Variants in CSMD1 observed in about 807,000 individuals in gnomAD.
The protein encoded by CSMD1 is CUB and sushi domain-containing protein 1.
CSMD1 carries 213 observed loss-of-function variants against 417.5 expected under a neutral mutation model. The observed-to-expected ratio is 0.51, with a 90% CI of 0.46 to 0.57. The LOEUF (loss-of-function observed/expected upper bound fraction) is 0.57. Among genes scored for constraint, CSMD1 ranks in the 20% least tolerant of loss-of-function variants. CSMD1 has a pLI of 0.00. For missense variants in CSMD1, 6,923 were observed against 4,529.7 expected, an observed-to-expected ratio of 1.53 and a Z score of -15.17; for synonymous variants, 2,862 against 1,736.8, an observed-to-expected ratio of 1.65 and a Z score of -16.11.
At chr8:3,745,681 C>CAGCT (rs1797032820) in intron 6 of CSMD1, among the ~76,000 whole-genome samples, 1 of 152,218 alleles carries the variant, frequency 6.6e-6, no homozygotes, top group Admixed American at 6.5e-5. Context: ...GGAAGTCAGG[C>CAGCT]AGCTGCTGGA....
chr8:3,349,462 G>A (rs557359709), intron 21 of CSMD1, among the ~76,000 whole-genome samples: 9 of 152,040 alleles, frequency 5.9e-5, no homozygotes, highest in Non-Finnish European at 1.2e-4. Context: ...AGAGGAGAAC[G>A]CTTGACATCC....
intron 5 of CSMD1, among the ~76,000 whole-genome samples, chr8:3,782,605 C>A (rs1313190323): frequency 2.0e-5 from 3 of 152,140 alleles, no homozygotes; most frequent in Admixed American, 6.5e-5. Flanking sequence ...TGTAACAAAC[C>A]TGCACGTTGT....
intron 10 of CSMD1, among the ~76,000 whole-genome samples, chr8:3,524,746 A>T (rs1797684984): frequency 6.6e-6 from 1 of 151,824 alleles, no homozygotes; most frequent in Non-Finnish European, 1.5e-5. Flanking sequence ...ACACCGAGAC[A>T]TGTGCACACA....
chr8:3,777,169 ATATG>A (rs1227473705), intron 5 of CSMD1, among the ~76,000 whole-genome samples: 2 of 151,148 alleles, frequency 1.3e-5, no homozygotes, highest in South Asian at 2.1e-4. Context: ...CATCATATAT[ATATG>A]TATGTGTGTC....
intron 5 of CSMD1, among the ~76,000 whole-genome samples, chr8:3,897,367 T>C (rs1309736970): frequency 6.6e-6 from 1 of 152,216 alleles, no homozygotes; most frequent in African/African-American, 2.4e-5. Context: ...CAGTGATTCC[T>C]ACATTTGAAT....
chr8:3,411,176 T>C (rs901888854), intron 12 of CSMD1, among the ~76,000 whole-genome samples: 1 of 152,152 alleles, frequency 6.6e-6, no homozygotes, highest in African/African-American at 2.4e-5. Context: ...CTCTGCAACT[T>C]TGGAAGAGCA....
intron 1 of CSMD1, among the ~76,000 whole-genome samples, chr8:4,800,897 G>T (rs779740405): frequency 6.6e-6 from 1 of 152,174 alleles, no homozygotes; most frequent in Non-Finnish European, 1.5e-5. Flanking sequence ...CTTACGTCTT[G>T]TACTCATCAC....
chr8:4,645,444 C>CAAAAAAAAAAAAAAA lies in CSMD1; in HGVS notation c.86-7901_86-7887dup, dbSNP rs549511320. On this transcript the variant is annotated intron_variant, in intron 1 of 69. Coordinates refer to ENST00000635120, the MANE Select transcript of CSMD1 (RefSeq NM_033225.6). ...CAAGACAGCAGGTGTAGTGCAGGGG[C>CAAAAAAAAAAAAAAA]AAAAAAAAAAAAAAAAAAAAAAAGG... 1.4e-4 allele frequency among the ~76,000 whole-genome samples: 5 copies of CAAAAAAAAAAAAAAA among 36,850 alleles called. 1 individual carries two copies. The highest frequency in any genetic ancestry group is 5.5e-4 in the Admixed American group (1 of 1,826). The allele number at this position is 36,850 out of a possible 152,430, so 24.2% of individuals were successfully genotyped here.
rs77963975 is a variant in CSMD1, at chr8:4,025,619, G to A, written c.610+6286C>T. ...ATCCTTTTTAAGACTGGCAGAACAT[G>A]CCAATAATATACAATGAATAAGGTG... On this transcript the variant is annotated intron_variant, in intron 4 of 69. Coordinates refer to ENST00000635120, the MANE Select transcript of CSMD1 (RefSeq NM_033225.6). Among the ~76,000 whole-genome samples, 1,058 of 152,204 alleles carry A rather than the reference G, an allele frequency of 7.0e-3. 56 individuals carry two copies. The East Asian group carries it at 0.14, about 20-fold the overall frequency.
chr8:4,514,816 T>G (rs1432460072), intron 2 of CSMD1, among the ~76,000 whole-genome samples: 1 of 152,204 alleles, frequency 6.6e-6, no homozygotes, highest in Non-Finnish European at 1.5e-5. Context: ...TGCTGGCTGC[T>G]GTTACTGTTT....
At chr8:4,024,534 G>C (rs1796964051) in intron 4 of CSMD1, among the ~76,000 whole-genome samples, 1 of 152,196 alleles carries the variant, frequency 6.6e-6, no homozygotes, top group Non-Finnish European at 1.5e-5. Context: ...ATTTAAATCA[G>C]AGGTCAAGTC....
At chr8:3,905,918 A>T (rs1430712029) in intron 5 of CSMD1, among the ~76,000 whole-genome samples, 4 of 152,186 alleles carry the variant, frequency 2.6e-5, no homozygotes, top group Admixed American at 2.0e-4. Flanking sequence ...GCAATGGGCC[A>T]ATTTATAACC....
intron 6 of CSMD1, among the ~76,000 whole-genome samples, chr8:3,721,272 C>G (rs2129044538): frequency 6.6e-6 from 1 of 152,196 alleles, no homozygotes; most frequent in South Asian, 2.1e-4. Context: ...GCAGCAATGC[C>G]CCTCAAGGAT....
intron 11 of CSMD1, among the ~76,000 whole-genome samples, chr8:3,480,807 G>T (rs892909934): frequency 6.6e-6 from 1 of 152,090 alleles, no homozygotes; most frequent in South Asian, 2.1e-4. Flanking sequence ...CTATCCTTCA[G>T]AAATAAAGGG....
At chr8:4,896,679 T>C (rs567330849) in intron 1 of CSMD1, among the ~76,000 whole-genome samples, 1 of 152,070 alleles carries the variant, frequency 6.6e-6, no homozygotes, top group Non-Finnish European at 1.5e-5. Flanking sequence ...GGGGGAAGGA[T>C]TGCATACGTG....
intron 3 of CSMD1, among the ~76,000 whole-genome samples, chr8:4,328,837 G>C (rs1585242398): frequency 6.6e-6 from 1 of 152,152 alleles, no homozygotes; most frequent in Admixed American, 6.6e-5. Context: ...AGAAGCTTAA[G>C]CAATTCTTGC....
intron 1 of CSMD1, among the ~76,000 whole-genome samples, chr8:4,692,461 T>C (rs1391621049): frequency 6.6e-6 from 1 of 152,206 alleles, no homozygotes; most frequent in Non-Finnish European, 1.5e-5. Flanking sequence ...CTCCTGGCTA[T>C]GGTCGACCAC....
At chr8:3,770,984 G>A (rs768731059) in intron 5 of CSMD1, among the ~76,000 whole-genome samples, 2 of 148,744 alleles carry the variant, frequency 1.3e-5, no homozygotes, top group Non-Finnish European at 2.9e-5. Flanking sequence ...TGTTAATTTG[G>A]ACAGTTTCTC....
At chr8:3,095,250 C>G (rs1815216515) in intron 47 of CSMD1, among the ~76,000 whole-genome samples, 1 of 152,088 alleles carries the variant, frequency 6.6e-6, no homozygotes, top group African/African-American at 2.4e-5. Flanking sequence ...CAAACACAAA[C>G]ACAGACATAC....
Sources: allele counts gnomAD v4.1 joint callset (sites outside exome capture counted in the v4.1 genomes callset), GRCh38; gene constraint gnomAD v4.1.1; transcripts MANE v1.5; gene names NCBI Gene and HGNC (gene_info 2026-07-23, HGNC 2026-07-21).